KCNC2: variants seen among roughly 807,000 people sequenced by gnomAD.
KCNC2 encodes potassium voltage-gated channel subfamily C member 2, also known as voltage-gated potassium channel KCNC2.
In KCNC2, 21 loss-of-function variants were observed where a neutral mutation model predicts 44.5. The ratio of observed to expected loss-of-function variants is 0.47; its 90% CI spans 0.33 to 0.68. The LOEUF is 0.68. Among genes scored for constraint, KCNC2 ranks in the 30% least tolerant of loss-of-function variants. The pLI, the probability that KCNC2 is intolerant of heterozygous loss-of-function variation, is 0.01. For synonymous variants in KCNC2, 391 were observed against 339.1 expected (o/e 1.15, Z -1.68); for missense variants, 589 against 826.2 (o/e 0.71, Z 3.52).
chr12:75,112,922 G>A (rs1301552345), intron 2 of KCNC2, among the ~76,000 whole-genome samples: 1 of 152,050 alleles, frequency 6.6e-6, no homozygotes, highest in African/African-American at 2.4e-5. Context: ...CAAATATTCA[G>A]TCTTTTCTTG....
intron 2 of KCNC2, among the ~76,000 whole-genome samples, chr12:75,117,727 A>G (rs1468162381): frequency 6.6e-6 from 1 of 152,208 alleles, no homozygotes; most frequent in East Asian, 1.9e-4. Flanking sequence ...ATAATATATA[A>G]TAGCATATAC....
intron 2 of KCNC2, among the ~76,000 whole-genome samples, chr12:75,107,671 T>A (rs1007629602): frequency 4.6e-5 from 7 of 151,622 alleles, no homozygotes; most frequent in Non-Finnish European, 1.0e-4. Flanking sequence ...ATTTCGAGTT[T>A]AAACGTCAAA....
chr12:75,190,452 T>C (rs2030091546), intron 2 of KCNC2, among the ~76,000 whole-genome samples: 1 of 152,246 alleles, frequency 6.6e-6, no homozygotes, highest in Non-Finnish European at 1.5e-5. Context: ...CCTTGGGGCC[T>C]TTCCAGATCC....
At position 75,041,507 on chromosome 12, in the gene KCNC2, G is replaced by A. The variant is rs2136903032; in HGVS notation, c.*1598C>T. 8.6e-7 allele frequency: 1 copy of A among 1,167,998 alleles called. No homozygotes were observed. The highest frequency in any genetic ancestry group is 2.2e-5 in the South Asian group (1 of 46,392). 72.4% of individuals were successfully genotyped at this position (1,167,998 alleles called of 1,614,324 possible). On this transcript the variant is annotated 3_prime_UTR_variant, in exon 5 of 5. Coordinates refer to ENST00000549446, the MANE Select transcript of KCNC2 (RefSeq NM_139137.4). The stretch of plus-strand genomic sequence containing the variant: ...ATCAGCAGTCTCAAGGCTCCCAAAT[G>A]CCTTAGTGATATTATTTATCCCTCT...
intron 2 of KCNC2, among the ~76,000 whole-genome samples, chr12:75,186,843 CA>C (rs1278782864): frequency 6.6e-6 from 1 of 152,134 alleles, no homozygotes; most frequent in Non-Finnish European, 1.5e-5. Context: ...TGGCCAAGCT[CA>C]AAAACATACA....
chr12:75,130,149 C>A (rs933680442), intron 2 of KCNC2, among the ~76,000 whole-genome samples: 3 of 152,050 alleles, frequency 2.0e-5, no homozygotes, highest in Non-Finnish European at 4.4e-5. Flanking sequence ...TATAATTTCC[C>A]AAAGAGATTA....
rs544885414 is a variant in KCNC2 at position 75,130,235 on chromosome 12, C to A, written c.687+77062G>T. On this transcript the variant is annotated intron_variant, in intron 2 of 4. Coordinates refer to ENST00000549446, the MANE Select transcript of KCNC2 (RefSeq NM_139137.4). Reference sequence around the variant, plus strand: ...ATGCACACACACGTACATATACACACACATGTATTTATATCTCTTTCAATT... The same window carrying A: ...ATGCACACACACGTACATATACACAAACATGTATTTATATCTCTTTCAATT... 2.0e-5 allele frequency among the ~76,000 whole-genome samples: 3 copies of A among 152,274 alleles called. No individual in the cohort carries two copies. The South Asian group carries it at 6.2e-4, about 32-fold the overall frequency.
chr12:75,110,050 A>C (rs561153519), intron 2 of KCNC2, among the ~76,000 whole-genome samples: 8 of 152,148 alleles, frequency 5.3e-5, no homozygotes, highest in Non-Finnish European at 1.2e-4. Flanking sequence ...GGAAAAATAC[A>C]GAAGGTTTTA....
At chr12:75,185,626 T>G (rs1237020954) in intron 2 of KCNC2, among the ~76,000 whole-genome samples, 2 of 152,076 alleles carry the variant, frequency 1.3e-5, no homozygotes, top group Non-Finnish European at 2.9e-5. Context: ...AAAAAAATTT[T>G]GTTCTCTACA....
chr12:75,185,663 A>G (rs976444482), intron 2 of KCNC2, among the ~76,000 whole-genome samples: 2 of 152,148 alleles, frequency 1.3e-5, no homozygotes, highest in African/African-American at 4.8e-5. Context: ...ATATTCTGCT[A>G]TAGCAACACA....
chr12:75,043,390 C>CT, intron 4 of KCNC2, 149 bp from the exon 5 acceptor site: 1 of 1,393,056 alleles, frequency 7.2e-7, no homozygotes, highest in Non-Finnish European at 9.3e-7. Context: ...ATTTATAACT[C>CT]TAAAAAAATG....
chr12:75,195,404 T>C (rs908785594), intron 2 of KCNC2, among the ~76,000 whole-genome samples: 1 of 152,140 alleles, frequency 6.6e-6, no homozygotes, highest in African/African-American at 2.4e-5. Flanking sequence ...GTGTTAAATC[T>C]TGTAAAAGAA....
At chr12:75,061,884 A>T (rs949095232) in intron 2 of KCNC2, among the ~76,000 whole-genome samples, 1 of 152,112 alleles carries the variant, frequency 6.6e-6, no homozygotes, top group Non-Finnish European at 1.5e-5. Flanking sequence ...GCATCAGGAA[A>T]GGAAGAAATT....
At chr12:75,152,492 GATT>G (rs1890472606) in intron 2 of KCNC2, among the ~76,000 whole-genome samples, 1 of 151,750 alleles carries the variant, frequency 6.6e-6, no homozygotes, top group Non-Finnish European at 1.5e-5. Context: ...TTCCACAAGT[GATT>G]ATTAAGAGTT....
chr12:75,081,110 CT>C (rs879348796), intron 2 of KCNC2, among the ~76,000 whole-genome samples: 6 of 152,056 alleles, frequency 3.9e-5, no homozygotes, highest in Non-Finnish European at 5.9e-5. Context: ...TATACACTAA[CT>C]ATATCCTCAG....
chr12:75,044,784 T>C (rs1217842342), intron 4 of KCNC2: 5 of 152,000 alleles, frequency 3.3e-5, no homozygotes, highest in African/African-American at 1.2e-4. Flanking sequence ...ATTTATGTCA[T>C]CCATTAACTA....
At chr12:75,071,689 C>T (rs988955613) in intron 2 of KCNC2, among the ~76,000 whole-genome samples, 9 of 152,186 alleles carry the variant, frequency 5.9e-5, no homozygotes, top group Middle Eastern at 3.4e-3. Flanking sequence ...CGGTGGCTCA[C>T]GCCTGTAATC....
chr12:75,100,755 A>T (rs1381217896), intron 2 of KCNC2, among the ~76,000 whole-genome samples: 1 of 152,054 alleles, frequency 6.6e-6, no homozygotes, highest in Non-Finnish European at 1.5e-5. Context: ...GTTATGATTT[A>T]TGATGTTTCT....
chr12:75,114,011 T>C (rs1887459602), intron 2 of KCNC2, among the ~76,000 whole-genome samples: 1 of 152,112 alleles, frequency 6.6e-6, no homozygotes, highest in African/African-American at 2.4e-5. Flanking sequence ...CACACACACA[T>C]TGTTATTGAA....
Sources: gnomAD v4.1 joint callset for allele counts (sites outside exome capture counted in the v4.1 genomes callset) on GRCh38, gnomAD v4.1.1 for gene constraint, MANE v1.5 for transcripts, NCBI Gene and HGNC (gene_info 2026-07-23, HGNC 2026-07-21) for gene names.